Variants in ASAP1 observed in about 807,000 individuals in gnomAD.
ASAP1 encodes the protein ArfGAP with SH3 domain, ankyrin repeat and PH domain 1, also known as arf-GAP with SH3 domain, ANK repeat and PH domain-containing protein 1.
ASAP1 carries 43 observed loss-of-function variants against 145.2 expected under a neutral mutation model. The ratio of observed to expected loss-of-function variants is 0.30; its 90% CI spans 0.23 to 0.38. The LOEUF (loss-of-function observed/expected upper bound fraction) is 0.38, where lower values mean the gene tolerates loss of function less well. Among genes scored for constraint, ASAP1 ranks in the 10% least tolerant of loss-of-function variants. ASAP1 has a pLI of 1.00. For synonymous variants in ASAP1, 546 were observed against 515.5 expected, an observed-to-expected ratio of 1.06 and a Z score of -0.80; for missense variants, 1,018 against 1,355.3, an observed-to-expected ratio of 0.75 and a Z score of 3.91.
At chr8:130,274,146 C>G (rs564910341) in intron 3 of ASAP1, among the ~76,000 whole-genome samples, 2 of 152,174 alleles carry the variant, frequency 1.3e-5, no homozygotes, top group Non-Finnish European at 2.9e-5. Context: ...TCTTCTCATA[C>G]TAATGTATAC....
intron 29 of ASAP1, among the ~76,000 whole-genome samples, chr8:130,055,239 G>A (rs2097401124): frequency 6.7e-6 from 1 of 148,396 alleles, no homozygotes; most frequent in Non-Finnish European, 1.5e-5. Context: ...CCTTTTCTCT[G>A]TTAAGTGGGG....
intron 1 of ASAP1, among the ~76,000 whole-genome samples, chr8:130,436,748 C>T (rs764484965): frequency 8.5e-5 from 13 of 152,098 alleles, no homozygotes; most frequent in Non-Finnish European, 1.6e-4. Flanking sequence ...CTGCAGTGTG[C>T]TATATTTGTG....
Position 130,072,824 on chromosome 8 carries a change from T to TGTGTGTGTGTGTGTGTGTGCGCGCGC in ASAP1, c.2701+3523_2701+3524insGCGCGCGCACACACACACACACACAC. 1.1e-3 allele frequency among the ~76,000 whole-genome samples: 34 copies of TGTGTGTGTGTGTGTGTGTGCGCGCGC among 32,290 alleles called. 1 individual carries two copies. Among genetic ancestry groups the TGTGTGTGTGTGTGTGTGTGCGCGCGC allele is most frequent in the East Asian group, 2.4e-3 (1 of 414 alleles). 21.2% of individuals were successfully genotyped at this position (32,290 alleles called of 152,430 possible). A position where few individuals can be genotyped will look rare whatever the true frequency, so the allele number is the denominator to read the frequency against. ...GTGTGTGTGTGTGTGTGTGTGTGTG[T>TGTGTGTGTGTGTGTGTGTGCGCGCGC]GCGCGCGGGGGGGGGCAGTTTTGGG... On this transcript the variant is annotated intron_variant, in intron 27 of 29. Transcript: ENST00000518721.
intron 4 of ASAP1, among the ~76,000 whole-genome samples, chr8:130,218,895 T>C (rs573180079): frequency 6.6e-6 from 1 of 152,146 alleles, no homozygotes; most frequent in South Asian, 2.1e-4. Flanking sequence ...GTGTATATAC[T>C]GGCATATATG....
At chr8:130,438,655 G>T (rs952622703) in intron 1 of ASAP1, among the ~76,000 whole-genome samples, 1 of 152,144 alleles carries the variant, frequency 6.6e-6, no homozygotes, top group African/African-American at 2.4e-5. Flanking sequence ...AAGAGGCTGG[G>T]TGAGAAATTA....
chr8:130,358,007 C>A lies in ASAP1; in HGVS notation c.186+10G>T, dbSNP rs563930939. On this transcript the variant is annotated intron_variant, in intron 3 of 29. Coordinates refer to ENST00000518721, the MANE Select transcript of ASAP1 (RefSeq NM_018482.4). This position sits in a 1 kb window ranked among gnomAD's most constrained non-coding sequence, Gnocchi z 4.1. ...CGAGCGTGGACGGCGGGGGTCCCGG[C>A]CCGACCTACCTCCTCCAGCAGCGTG... 2.4e-5 allele frequency: 39 copies of A among 1,600,794 alleles called. No individual in the cohort carries two copies. In the African/African-American group the frequency reaches 5.0e-4, roughly 20 times the overall value.
At chr8:130,269,710 G>A (rs1198120643) in intron 3 of ASAP1, among the ~76,000 whole-genome samples, 1 of 152,200 alleles carries the variant, frequency 6.6e-6, no homozygotes, top group Non-Finnish European at 1.5e-5. Flanking sequence ...TGAAAGGTAC[G>A]TAAAGGTCAG....
intron 3 of ASAP1, among the ~76,000 whole-genome samples, chr8:130,243,997 T>C (rs1434262435): frequency 6.6e-6 from 1 of 152,184 alleles, no homozygotes; most frequent in Non-Finnish European, 1.5e-5. Context: ...TCTATTATTT[T>C]TTTTACTTTC....
At chr8:130,183,218 C>T (rs565097402) in intron 7 of ASAP1, among the ~76,000 whole-genome samples, 1 of 151,912 alleles carries the variant, frequency 6.6e-6, no homozygotes, top group Non-Finnish European at 1.5e-5. Context: ...CAAACAACAA[C>T]CACATATCAC....
intron 9 of ASAP1, among the ~76,000 whole-genome samples, chr8:130,173,322 TCA>T (rs1023045207): frequency 3.9e-5 from 6 of 152,178 alleles, no homozygotes; most frequent in African/African-American, 1.4e-4. Flanking sequence ...CCTCTGAGCT[TCA>T]TTCTCTTCTC....
intron 4 of ASAP1, among the ~76,000 whole-genome samples, chr8:130,228,975 A>G (rs2136584529): frequency 6.6e-6 from 1 of 152,302 alleles, no homozygotes; most frequent in East Asian, 1.9e-4. Context: ...TGAAACAAGT[A>G]CATGTCTGAT....
intron 3 of ASAP1, among the ~76,000 whole-genome samples, chr8:130,249,850 C>T (rs941725522): frequency 6.6e-6 from 1 of 152,078 alleles, no homozygotes; most frequent in Non-Finnish European, 1.5e-5. Flanking sequence ...AATTTGACTG[C>T]CCCTCAGATG....
At chr8:130,206,865 C>A (rs748058454) in intron 5 of ASAP1, among the ~76,000 whole-genome samples, 2 of 151,790 alleles carry the variant, frequency 1.3e-5, no homozygotes, top group Non-Finnish European at 3.0e-5. Context: ...TAAATGGATG[C>A]AAATCTCTGC....
intron 2 of ASAP1, among the ~76,000 whole-genome samples, chr8:130,385,500 C>A (rs1467972666): frequency 6.6e-6 from 1 of 152,194 alleles, no homozygotes; most frequent in African/African-American, 2.4e-5. Context: ...TTTTGTGGCT[C>A]AGCGCCCGAG....
intron 3 of ASAP1, among the ~76,000 whole-genome samples, chr8:130,343,555 G>A (rs988959075): frequency 1.3e-5 from 2 of 152,184 alleles, no homozygotes; most frequent in African/African-American, 4.8e-5. Context: ...CTGGAACAAG[G>A]CAAAGACCAC....
intron 3 of ASAP1, among the ~76,000 whole-genome samples, chr8:130,240,318 T>C (rs1343278335): frequency 6.6e-6 from 1 of 152,038 alleles, no homozygotes; most frequent in Non-Finnish European, 1.5e-5. Flanking sequence ...TTTTTTAAGC[T>C]TGAGTGTTTG....
Position 130,070,486 on chromosome 8 carries a change from T to TAGAA in ASAP1, c.2701+5858_2701+5861dup, listed in dbSNP as rs555465536. Reference sequence around the variant, plus strand: ...ATGCCCAAGCCTGCAGAGTGCAGAGTAGAAGCTAGAGTGCTGGCAGGGACA... The same window carrying TAGAA: ...ATGCCCAAGCCTGCAGAGTGCAGAGTAGAAAGAAGCTAGAGTGCTGGCAGGGACA... On this transcript the variant is annotated intron_variant, in intron 27 of 29. Transcript: ENST00000518721. Among the ~76,000 whole-genome samples, 277 of 152,180 alleles carry TAGAA rather than the reference T, an allele frequency of 1.8e-3. 1 individual carries two copies. Among genetic ancestry groups the TAGAA allele is most frequent in the Middle Eastern group, 0.01 (3 of 294 alleles).
chr8:130,442,767 C>T (rs1830529735), intron 1 of ASAP1, among the ~76,000 whole-genome samples: 1 of 152,126 alleles, frequency 6.6e-6, no homozygotes, highest in Non-Finnish European at 1.5e-5. Context: ...AGATGAACCT[C>T]TTGGGATGTA....
intron 25 of ASAP1, chr8:130,083,000 C>T (rs1231679467): frequency 6.6e-6 from 1 of 152,186 alleles, no homozygotes; most frequent in African/African-American, 2.4e-5. Context: ...CTGTTACATC[C>T]ACTAATTCCC....
Sources: allele counts gnomAD v4.1 joint callset (sites outside exome capture counted in the v4.1 genomes callset), GRCh38; gene constraint gnomAD v4.1.1; non-coding constraint Gnocchi (gnomAD v3.1); transcripts MANE v1.5; gene names NCBI Gene and HGNC (gene_info 2026-07-23, HGNC 2026-07-21).